Variants in IARS2 observed in about 807,000 individuals in gnomAD.
IARS2 encodes the protein isoleucyl-tRNA synthetase 2, mitochondrial.
A neutral mutation model predicts 126.3 loss-of-function variants in IARS2; 56 were observed. That is an observed-to-expected ratio of 0.44 (90% CI 0.36 to 0.55). The LOEUF (loss-of-function observed/expected upper bound fraction) is 0.55, where lower values mean the gene tolerates loss of function less well. Ranked by LOEUF, IARS2 falls within the 20% of genes least tolerant of loss-of-function variation. The pLI is 0.00. For missense variants in IARS2, 1,127 were observed against 1,245.9 expected (o/e 0.90, Z 1.44); for synonymous variants, 407 against 441.1 (o/e 0.92, Z 0.97).
chr1:220,107,261 T>A, intron 10 of IARS2, 110 bp downstream of exon 10: 1 of 703,702 alleles, frequency 1.4e-6, no homozygotes, highest in Middle Eastern at 2.5e-4. Flanking sequence ...AAAAATAAAT[T>A]ATGTCTTGTT....
chr1:220,131,760 A>G lies in IARS2; in HGVS notation c.1838-2642A>G, dbSNP rs139272546. 3.9e-3 allele frequency among the ~76,000 whole-genome samples: 583 copies of G among 150,574 alleles called. 5 individuals carry two copies. The highest frequency in any genetic ancestry group is 0.014 in the African/African-American group (570 of 40,878). ...CTCAGCCTCCCAAAGTGCTGGGATT[A>G]CAGGCATGAGCCACGATGCCTGGCC... is the stretch of plus-strand genomic sequence containing the variant. On this transcript the variant is annotated intron_variant, in intron 14 of 22. Coordinates refer to ENST00000366922, the MANE Select transcript of IARS2 (RefSeq NM_018060.4).
chr1:220,103,792 A>G (rs1033353161), intron 8 of IARS2, among the ~76,000 whole-genome samples: 1 of 152,236 alleles, frequency 6.6e-6, no homozygotes, highest in Admixed American at 6.5e-5. Flanking sequence ...TTCTGGCAAT[A>G]TCCAGTAGTT....
chr1:220,139,162 T>C, intron 18 of IARS2, 23 bp downstream of exon 18: 1 of 1,591,048 alleles, frequency 6.3e-7, no homozygotes, highest in Non-Finnish European at 8.6e-7. Context: ...TAATAAACTT[T>C]TGGAAACTAG....
At chr1:220,138,540 A>G (rs1441967004) in intron 17 of IARS2, among the ~76,000 whole-genome samples, 2 of 151,738 alleles carry the variant, frequency 1.3e-5, no homozygotes, top group African/African-American at 4.8e-5. Flanking sequence ...GTAATTTTAT[A>G]TAATTTGTAT....
chr1:220,138,129 G>GA (rs1266811483), intron 17 of IARS2, 86 bp downstream of exon 17: 102 of 1,397,410 alleles, frequency 7.3e-5, no homozygotes, highest in Non-Finnish European at 9.9e-5. Flanking sequence ...GTTTGGAACT[G>GA]AAAAAAACTG....
intron 9 of IARS2, among the ~76,000 whole-genome samples, 155 bp downstream of exon 9, chr1:220,106,215 G>T (rs377041520): frequency 6.6e-6 from 1 of 152,028 alleles, no homozygotes; most frequent in Non-Finnish European, 1.5e-5. Context: ...TCATTAATTC[G>T]TACTAATTGA....
intron 17 of IARS2, among the ~76,000 whole-genome samples, chr1:220,138,267 T>C (rs895442189): frequency 2.6e-5 from 4 of 152,080 alleles, no homozygotes; most frequent in African/African-American, 9.7e-5. Context: ...GGTCAGGAGT[T>C]CGAGACTAGC....
intron 2 of IARS2, among the ~76,000 whole-genome samples, chr1:220,096,869 AC>A (rs1274052149): frequency 6.6e-6 from 1 of 151,976 alleles, no homozygotes. Flanking sequence ...ACACGGTGAA[AC>A]CCCGTCTCTA....
Position 220,147,031 on chromosome 1 carries a change from A to T in IARS2, c.2897-462A>T, listed in dbSNP as rs551536340. ...GAAAATAACTTAGTTTTATATTTTT[A>T]TCAATCTGAGGTCTAAGAGTATTAA... On this transcript the variant is annotated intron_variant, in intron 22 of 22. Coordinates refer to ENST00000366922, the MANE Select transcript of IARS2 (RefSeq NM_018060.4). Among the ~76,000 whole-genome samples, 29 of 152,302 alleles carry T rather than the reference A, an allele frequency of 1.9e-4. No homozygotes were observed. The South Asian group carries it at 2.1e-3, about 11-fold the overall frequency.
rs1486159341 is a variant in IARS2, at chr1:220,142,994, A to G, written c.2611A>G (p.Lys871Glu). 6.2e-7 allele frequency: 1 copy of G among 1,613,786 alleles called. No individual in the cohort carries two copies. The highest frequency in any genetic ancestry group is 8.5e-7 in the Non-Finnish European group (1 of 1,179,854). The change falls in exon 21 of 23, where the codon AAA (lysine) becomes GAA (glutamate). Residue 871 changes from lysine (K) to glutamate (E), a missense_variant. Physicochemically the swap from Lys to Glu is moderately conservative, Grantham distance 56. Coordinates refer to ENST00000366922, the MANE Select transcript of IARS2 (RefSeq NM_018060.4). ...GTGGATTAGTACTAGTTCTATCTGG[A>G]AAAAGCCCGGGTTGGAAGAAGCTGT... is the stretch of plus-strand genomic sequence containing the variant. Reference protein sequence around the residue: ...TGWISTSSIWKKPGLEEAVES... With the variant: ...TGWISTSSIWEKPGLEEAVES...
At chr1:220,106,777 T>C (rs1442710989) in intron 9 of IARS2, among the ~76,000 whole-genome samples, 1 of 151,740 alleles carries the variant, frequency 6.6e-6, no homozygotes, top group African/African-American at 2.4e-5. Context: ...GGACTACAGG[T>C]GCACACCACC....
rs1369727966 is a variant in IARS2, at chr1:220,112,368, T to A, written c.1479+1431T>A. ...CCAGGATGGTCTCGATCTCCTGACC[T>A]CATGATCCACCCGCCTCGGCCTCCC... On this transcript the variant is annotated intron_variant, in intron 11 of 22. Transcript: ENST00000366922. Among the ~76,000 whole-genome samples the A allele has an allele frequency of 4.8e-4, 65 of 135,772 alleles. 12 individuals are homozygous for A. The highest frequency in any genetic ancestry group is 7.3e-4 in the Non-Finnish European group (46 of 63,184). 89.1% of individuals were successfully genotyped at this position (135,772 alleles called of 152,430 possible).
chr1:220,122,600 A>C (rs1657071779), intron 12 of IARS2, among the ~76,000 whole-genome samples: 1 of 152,222 alleles, frequency 6.6e-6, no homozygotes, highest in African/African-American at 2.4e-5. Context: ...TAATTTAAGG[A>C]ACCCTAAGGT....
In IARS2 at chr1:220,125,609, G is replaced by T. The variant is rs566520049; in HGVS notation, c.1743+270G>T. Among the ~76,000 whole-genome samples the T allele has an allele frequency of 3.3e-5, 5 of 152,246 alleles. No individual in the cohort carries two copies. In the South Asian group the frequency reaches 8.3e-4, roughly 25 times the overall value. ...GCTTGAGTCCATGAGTTTGAGACCA[G>T]CCTGGGCAATATGGCAAAACCCTGT... On this transcript the variant is annotated intron_variant, in intron 13 of 22. Transcript: ENST00000366922.
In IARS2 at chr1:220,145,643, C is replaced by T; in HGVS notation, c.2886C>T (p.Ile962=). The change falls in exon 22 of 23, where the codon ATC becomes ATT. Residue 962 remains isoleucine (I), a synonymous_variant. Transcript: ENST00000366922. ...DVIELKGKFL[I]NLEGGDIREE... Reference sequence around the variant, plus strand: ...TCGAGCTTAAAGGGAAATTCCTCATCAACTTAGAAGGTAAGAAGGAGATGA... The same window carrying T: ...TCGAGCTTAAAGGGAAATTCCTCATTAACTTAGAAGGTAAGAAGGAGATGA... 6.2e-7 allele frequency: 1 copy of T among 1,612,096 alleles called. No individual in the cohort carries two copies. The highest frequency in any genetic ancestry group is 1.1e-5 in the South Asian group (1 of 90,750).
chr1:220,107,526 T>C (rs1378199733), intron 10 of IARS2, among the ~76,000 whole-genome samples: 1 of 152,206 alleles, frequency 6.6e-6, no homozygotes, highest in Non-Finnish European at 1.5e-5. Flanking sequence ...TGTATTAGAA[T>C]CTTGGGAATC....
chr1:220,106,707 A>C (rs1345083100), intron 9 of IARS2, among the ~76,000 whole-genome samples: 1 of 147,112 alleles, frequency 6.8e-6, no homozygotes, highest in Non-Finnish European at 1.5e-5. Flanking sequence ...ATCTCGGCTC[A>C]CTGCAACCTC....
chr1:220,101,898 G>A (rs1162154266), intron 3 of IARS2, among the ~76,000 whole-genome samples: 3 of 152,150 alleles, frequency 2.0e-5, no homozygotes, highest in East Asian at 1.9e-4. Flanking sequence ...CTACTCAGGA[G>A]GCTGAGGCAG....
intron 13 of IARS2, 103 bp from the exon 14 acceptor site, chr1:220,126,647 C>G (rs931505397): frequency 2.4e-6 from 2 of 821,110 alleles, no homozygotes; most frequent in African/African-American, 3.5e-5. Flanking sequence ...AAAATGTGAA[C>G]TTCATGGTTG....
Sources: allele counts gnomAD v4.1 joint callset (sites outside exome capture counted in the v4.1 genomes callset), GRCh38; gene constraint gnomAD v4.1.1; transcripts MANE v1.5; gene names NCBI Gene and HGNC (gene_info 2026-07-23, HGNC 2026-07-21).